CRPPA: variants seen among roughly 807,000 people sequenced by gnomAD.
CRPPA encodes CDP-L-ribitol pyrophosphorylase A.
A neutral mutation model predicts 52.0 loss-of-function variants in CRPPA; 43 were observed. That is an observed-to-expected ratio of 0.83 (90% CI 0.65 to 1.07). The LOEUF (loss-of-function observed/expected upper bound fraction) is 1.07. Ranked by LOEUF, CRPPA falls within the 50% of genes least tolerant of loss-of-function variation. The probability of loss-of-function intolerance (pLI) is 0.00; values close to 1 mark genes in which losing one functional copy is unlikely to be tolerated. For synonymous variants in CRPPA, 250 were observed against 203.5 expected (o/e 1.23, Z -1.94); for missense variants, 629 against 551.7 (o/e 1.14, Z -1.40).
intron 9 of CRPPA, among the ~76,000 whole-genome samples, chr7:16,188,631 T>G (rs950023769): frequency 1.3e-5 from 2 of 152,076 alleles, no homozygotes; most frequent in Non-Finnish European, 2.9e-5. Flanking sequence ...CCCCAACATG[T>G]CCACTGTAAG....
At chr7:16,303,394 G>A (rs1404822063) in intron 4 of CRPPA, among the ~76,000 whole-genome samples, 4 of 148,062 alleles carry the variant, frequency 2.7e-5, no homozygotes, top group South Asian at 2.1e-4. Context: ...TCATAGGCAC[G>A]GTAAGGTAAT....
chr7:16,386,163 G>T (rs2128313893), intron 2 of CRPPA, among the ~76,000 whole-genome samples: 1 of 120,764 alleles, frequency 8.3e-6, no homozygotes. Context: ...AGCTAAAAGA[G>T]GGATGGGGTG....
At chr7:16,157,341 A>G (rs143697873) in intron 9 of CRPPA, among the ~76,000 whole-genome samples, 166 of 152,280 alleles carry the variant, frequency 1.1e-3, no homozygotes, top group African/African-American at 3.6e-3. Context: ...CTCATATGGA[A>G]ACAATATGAT....
intron 9 of CRPPA, among the ~76,000 whole-genome samples, chr7:16,177,366 A>T (rs1047004173): frequency 2.6e-5 from 4 of 152,192 alleles, no homozygotes; most frequent in South Asian, 2.1e-4. Flanking sequence ...AATATGTCCT[A>T]TTTGATATAA....
At chr7:16,387,572 T>A (rs1277428120) in intron 2 of CRPPA, among the ~76,000 whole-genome samples, 1 of 152,072 alleles carries the variant, frequency 6.6e-6, no homozygotes, top group African/African-American at 2.4e-5. Flanking sequence ...AATTTTTTTT[T>A]AAATCTATCA....
At chr7:16,325,999 G>A (rs1370102336) in intron 3 of CRPPA, among the ~76,000 whole-genome samples, 2 of 150,368 alleles carry the variant, frequency 1.3e-5, no homozygotes, top group African/African-American at 2.5e-5. Flanking sequence ...CTAGTAATAC[G>A]CTTTATTAAA....
At chr7:16,111,286 T>C (rs1050197727) in intron 9 of CRPPA, among the ~76,000 whole-genome samples, 7 of 152,052 alleles carry the variant, frequency 4.6e-5, no homozygotes, top group Non-Finnish European at 8.8e-5. Context: ...TAAGAAATGT[T>C]GGCAGGATGT....
At chr7:16,200,369 T>A (rs901281199) in intron 9 of CRPPA, among the ~76,000 whole-genome samples, 4 of 152,190 alleles carry the variant, frequency 2.6e-5, no homozygotes, top group African/African-American at 9.6e-5. Flanking sequence ...AAACCTCAAA[T>A]CTATATAGTA....
chr7:16,240,948 TTTTA>T (rs1783090852), intron 8 of CRPPA, among the ~76,000 whole-genome samples: 1 of 152,198 alleles, frequency 6.6e-6, no homozygotes, highest in Non-Finnish European at 1.5e-5. Context: ...AATTGTCATT[TTTTA>T]TTAAGAAGGA....
At chr7:16,179,433 AT>A (rs148301198) in intron 9 of CRPPA, among the ~76,000 whole-genome samples, 1,840 of 152,216 alleles carry the variant, frequency 0.012, 36 homozygotes, top group African/African-American at 0.042. Flanking sequence ...ATCCTGGATT[AT>A]CTTTATCTGA....
intron 9 of CRPPA, among the ~76,000 whole-genome samples, chr7:16,168,401 G>T (rs978120526): frequency 6.6e-6 from 1 of 152,000 alleles, no homozygotes; most frequent in African/African-American, 2.4e-5. Flanking sequence ...GTACTAAATT[G>T]AAATAGATTT....
At chr7:16,331,797 G>C (rs1480687109) in intron 3 of CRPPA, among the ~76,000 whole-genome samples, 1 of 152,084 alleles carries the variant, frequency 6.6e-6, no homozygotes, top group Non-Finnish European at 1.5e-5. Context: ...ACCTCTGAAA[G>C]TGAGAAGTAA....
At chr7:16,133,575 A>C (rs1782715019) in intron 9 of CRPPA, among the ~76,000 whole-genome samples, 1 of 124,328 alleles carries the variant, frequency 8.0e-6, no homozygotes, top group Non-Finnish European at 1.8e-5. Flanking sequence ...TGAGCAGTTC[A>C]TCTCTCTAGT....
intron 8 of CRPPA, among the ~76,000 whole-genome samples, chr7:16,242,244 G>A (rs534494778): frequency 3.3e-5 from 5 of 151,952 alleles, no homozygotes; most frequent in African/African-American, 7.2e-5. Context: ...TTGAGACACC[G>A]CGCCCAGCCA....
chr7:16,241,970 T>TTTTTTTTTTTTTG (rs1241010922), intron 8 of CRPPA, among the ~76,000 whole-genome samples: 7 of 104,894 alleles, frequency 6.7e-5, no homozygotes, highest in Non-Finnish European at 1.3e-4. Context: ...TTTTTTTTTG[T>TTTTTTTTTTTTTG]TGGGGGGAGA....
chr7:16,259,151 A>T, intron 6 of CRPPA, 139 bp from the exon 7 acceptor site: 1 of 544,466 alleles, frequency 1.8e-6, no homozygotes, highest in East Asian at 3.0e-5. Context: ...AACATGCTGA[A>T]GTTCATCAGG....
At chr7:16,151,957 T>C (rs1034858561) in intron 9 of CRPPA, among the ~76,000 whole-genome samples, 1 of 151,922 alleles carries the variant, frequency 6.6e-6, no homozygotes, top group Non-Finnish European at 1.5e-5. Context: ...ACTCCAAAAT[T>C]TCATGAAATT....
intron 9 of CRPPA, among the ~76,000 whole-genome samples, chr7:16,187,616 T>C (rs982407284): frequency 6.6e-6 from 1 of 152,196 alleles, no homozygotes; most frequent in African/African-American, 2.4e-5. Context: ...TATAACACAA[T>C]TATAAATGTC....
At chr7:16,340,395 A>G (rs772254057) in intron 3 of CRPPA, among the ~76,000 whole-genome samples, 2 of 152,090 alleles carry the variant, frequency 1.3e-5, no homozygotes, top group African/African-American at 4.8e-5. Context: ...AAACTCATCA[A>G]TAAGAAAACA....
Sources: gnomAD v4.1 joint callset for allele counts (sites outside exome capture counted in the v4.1 genomes callset) on GRCh38, gnomAD v4.1.1 for gene constraint, MANE v1.5 for transcripts, NCBI Gene and HGNC (gene_info 2026-07-23, HGNC 2026-07-21) for gene names.